PSD3: variants seen among roughly 807,000 people sequenced by gnomAD.
PSD3 encodes pleckstrin and Sec7 domain containing 3, also known as PH and SEC7 domain-containing protein 3.
PSD3 carries 49 observed loss-of-function variants against 105.5 expected under a neutral mutation model. The observed-to-expected ratio is 0.46, with a 90% CI of 0.37 to 0.59. The LOEUF (loss-of-function observed/expected upper bound fraction) is 0.59, where lower values mean the gene tolerates loss of function less well. PSD3 is among the 20% of genes least tolerant of loss of function. PSD3 has a pLI of 0.00. For synonymous variants in PSD3, 557 were observed against 457.8 expected, an observed-to-expected ratio of 1.22 and a Z score of -2.77; for missense variants, 1,561 against 1,263.8, an observed-to-expected ratio of 1.24 and a Z score of -3.57.
At chr8:18,979,469 G>A (rs971266314) in intron 1 of PSD3, 2 of 152,174 alleles carry the variant, frequency 1.3e-5, no homozygotes, top group Non-Finnish European at 2.9e-5. Context: ...TCCAAAACCA[G>A]AAATTGCTGT....
intron 4 of PSD3, among the ~76,000 whole-genome samples, chr8:18,855,620 T>C (rs1815947486): frequency 6.6e-6 from 1 of 152,164 alleles, no homozygotes. Flanking sequence ...GCAACCTGCA[T>C]GTATGAAAGA....
At chr8:18,823,778 ACT>A (rs752760147) in intron 4 of PSD3, among the ~76,000 whole-genome samples, 9,073 of 35,256 alleles carry the variant, frequency 0.26, 375 homozygotes, top group African/African-American at 0.47. Flanking sequence ...TCTTAAACAC[ACT>A]CACACACACA....
At chr8:18,903,160 T>A (rs1819619247) in intron 2 of PSD3, among the ~76,000 whole-genome samples, 1 of 152,032 alleles carries the variant, frequency 6.6e-6, no homozygotes, top group South Asian at 2.1e-4. Flanking sequence ...GTAGCTGTGA[T>A]TTTACTTTTA....
chr8:18,556,649 G>A (rs1801093688), intron 14 of PSD3, among the ~76,000 whole-genome samples: 1 of 152,214 alleles, frequency 6.6e-6, no homozygotes, highest in African/African-American at 2.4e-5. Context: ...CAGGCCTTAA[G>A]AGATGCCCTG....
At chr8:18,932,328 C>T (rs952732833) in intron 2 of PSD3, among the ~76,000 whole-genome samples, 5 of 152,216 alleles carry the variant, frequency 3.3e-5, no homozygotes, top group African/African-American at 9.6e-5. Context: ...GAACAAGATA[C>T]AGCTTTATGC....
At chr8:18,550,215 C>T (rs540936348) in intron 15 of PSD3, among the ~76,000 whole-genome samples, 43 of 152,256 alleles carry the variant, frequency 2.8e-4, no homozygotes, top group Non-Finnish European at 5.4e-4. Context: ...CAGGAATGGC[C>T]CTAATTCTTT....
chr8:18,757,181 G>C (rs1481626880), intron 9 of PSD3, among the ~76,000 whole-genome samples: 1 of 150,374 alleles, frequency 6.7e-6, no homozygotes, highest in East Asian at 1.9e-4. Context: ...ATCTGGACGC[G>C]GTGGCTCACG....
intron 1 of PSD3, among the ~76,000 whole-genome samples, chr8:18,964,091 A>G (rs1824097322): frequency 6.6e-6 from 1 of 152,202 alleles, no homozygotes; most frequent in Non-Finnish European, 1.5e-5. Context: ...AAGAAACACC[A>G]TTCTCTAAAT....
chr8:18,868,693 A>G (rs1234807918), intron 3 of PSD3, among the ~76,000 whole-genome samples: 2 of 152,238 alleles, frequency 1.3e-5, no homozygotes, highest in East Asian at 1.9e-4. Flanking sequence ...AAACAGCTCA[A>G]AAGTCAACAT....
rs574833192 is a variant in PSD3 at position 18,698,598 on chromosome 8, T to G, written c.2173-42913A>C. ...TCTCCCCTCGAGCCTCCAGAAGGAA[T>G]ACAGCCCTGCCAACCCATTTTGGAC... is the stretch of plus-strand genomic sequence containing the variant. On this transcript the variant is annotated intron_variant, in intron 9 of 15. Coordinates refer to ENST00000327040, the MANE Select transcript of PSD3 (RefSeq NM_015310.4). Among the ~76,000 whole-genome samples, 3 of 152,244 alleles carry G rather than the reference T, an allele frequency of 2.0e-5. No homozygotes were observed. In the South Asian group the frequency reaches 6.2e-4, roughly 32 times the overall value.
chr8:18,627,617 T>C (rs1254694567), intron 11 of PSD3, among the ~76,000 whole-genome samples: 2 of 152,058 alleles, frequency 1.3e-5, no homozygotes, highest in African/African-American at 2.4e-5. Context: ...GAATAAAGAC[T>C]GCTCTGGATC....
intron 1 of PSD3, among the ~76,000 whole-genome samples, chr8:19,024,882 G>A (rs1432917081): frequency 1.3e-5 from 2 of 152,068 alleles, no homozygotes; most frequent in Non-Finnish European, 1.5e-5. Context: ...GGCTGTTCCC[G>A]AGTTGTAGCT....
At chr8:18,548,379 T>C (rs989517072) in intron 15 of PSD3, among the ~76,000 whole-genome samples, 14 of 152,306 alleles carry the variant, frequency 9.2e-5, no homozygotes, top group Admixed American at 4.6e-4. Flanking sequence ...TTTTACAGGA[T>C]TGTGTTACTT....
chr8:18,808,762 C>G (rs984383724), intron 4 of PSD3: 1 of 1,614,046 alleles, frequency 6.2e-7, no homozygotes, highest in Non-Finnish European at 8.5e-7. Context: ...TACCAGCAAC[C>G]ATACAGACAC....
intron 9 of PSD3, among the ~76,000 whole-genome samples, chr8:18,700,180 T>C (rs1309707969): frequency 1.3e-5 from 2 of 152,112 alleles, no homozygotes; most frequent in Non-Finnish European, 2.9e-5. Flanking sequence ...AAAGATAATA[T>C]ACAATATAAA....
chr8:18,750,530 A>G (rs1419144223), intron 9 of PSD3, among the ~76,000 whole-genome samples: 2 of 152,062 alleles, frequency 1.3e-5, no homozygotes, highest in Non-Finnish European at 2.9e-5. Context: ...CAGTAGCAAG[A>G]TTTATTGCAA....
At chr8:18,685,743 C>G (rs1434880962) in intron 9 of PSD3, among the ~76,000 whole-genome samples, 2 of 152,102 alleles carry the variant, frequency 1.3e-5, no homozygotes, top group East Asian at 3.8e-4. Flanking sequence ...TTGGAATAGA[C>G]TTAGTTCTAA....
chr8:18,687,539 T>C (rs1203403172), intron 9 of PSD3, among the ~76,000 whole-genome samples: 2 of 151,770 alleles, frequency 1.3e-5, no homozygotes, highest in African/African-American at 2.4e-5. Flanking sequence ...ATTTCCCCCC[T>C]AACTATACAA....
chr8:18,628,086 T>C (rs186253002), intron 11 of PSD3, among the ~76,000 whole-genome samples: 1 of 151,800 alleles, frequency 6.6e-6, no homozygotes, highest in Non-Finnish European at 1.5e-5. Flanking sequence ...AGTACTGAAA[T>C]GACAAAGAGT....
Sources: gnomAD v4.1 joint callset for allele counts (sites outside exome capture counted in the v4.1 genomes callset) on GRCh38, gnomAD v4.1.1 for gene constraint, MANE v1.5 for transcripts, NCBI Gene and HGNC (gene_info 2026-07-23, HGNC 2026-07-21) for gene names.